CAPN15: variants seen among roughly 807,000 people sequenced by gnomAD.
CAPN15 encodes calpain 15, also known as calpain-15.
CAPN15 carries 53 observed loss-of-function variants against 97.9 expected under a neutral mutation model. The ratio of observed to expected loss-of-function variants is 0.54; its 90% CI spans 0.43 to 0.68. The LOEUF is 0.68. Among genes scored for constraint, CAPN15 ranks in the 30% least tolerant of loss-of-function variants. CAPN15 has a pLI of 0.00. For missense variants in CAPN15, 1,592 were observed against 1,589.8 expected (o/e 1.00, Z -0.02); for synonymous variants, 922 against 722.5 (o/e 1.28, Z -4.43).
rs530543606 is a variant in CAPN15, at chr16:533,499, C to G, written c.-189-447C>G. Among the ~76,000 whole-genome samples, 335 of 152,276 alleles carry G rather than the reference C, an allele frequency of 2.2e-3. 1 individual carries two copies. Among genetic ancestry groups the G allele is most frequent in the Non-Finnish European group, 3.7e-3 (251 of 67,988 alleles). On this transcript the variant is annotated intron_variant, in intron 1 of 13. Coordinates refer to ENST00000219611, the MANE Select transcript of CAPN15 (RefSeq NM_005632.3). ...CCACCTGGCTGTGTGCCTGTGCCTGCCCAAGCTGGGCACCTTTCCCTGGCA... is the reference window on the plus strand; with the variant it reads ...CCACCTGGCTGTGTGCCTGTGCCTGGCCAAGCTGGGCACCTTTCCCTGGCA...
rs1215279703 is a variant in CAPN15 at position 546,911 on chromosome 16, A to G, written c.73A>G (p.Ile25Val). ...CCCGGCCGGCCAGCGCCAGTGCTCC[A>G]TCTGCGAGGCTCCCCGGCACAAGCC... ...LNPAGQRQCSICEAPRHKPDL... is the reference protein window; with the variant it reads ...LNPAGQRQCSVCEAPRHKPDL... The change falls in exon 4 of 14, where the codon ATC becomes GTC. Residue 25 changes from isoleucine to valine, a missense_variant. Around this residue, in one of 3 missense-constraint regions of CAPN15, gnomAD observed 883 missense variants for 776.6 expected, o/e 1.14. Coordinates refer to ENST00000219611, the MANE Select transcript of CAPN15 (RefSeq NM_005632.3). The G allele has an allele frequency of 5.0e-6, 8 of 1,611,234 alleles. No homozygotes were observed. Among genetic ancestry groups the G allele is most frequent in the South Asian group, 1.1e-5 (1 of 91,058 alleles).
intron 9 of CAPN15, 135 bp downstream of exon 9, chr16:551,799 T>C: frequency 8.3e-7 from 1 of 1,206,924 alleles, no homozygotes. Context: ...GACCTGGAGC[T>C]TCAGCTCCAA....
Position 549,565 on chromosome 16 carries a change from G to A in CAPN15, c.1843-50G>A, listed in dbSNP as rs561555071. On this transcript the variant is annotated intron_variant, in intron 6 of 13. Transcript: ENST00000219611. ...CGGCTGCTTCCTCTTCTCCCAGGGC[G>A]GGTAGTGTGGGGGGCGGGCGGGGGT... is the stretch of plus-strand genomic sequence containing the variant. 244 of 1,500,460 alleles carry A rather than the reference G, an allele frequency of 1.6e-4. 2 individuals carry two copies. In the South Asian group the frequency reaches 2.1e-3, roughly 13 times the overall value. The allele number at this position is 1,500,460 out of a possible 1,614,324, so 92.9% of individuals were successfully genotyped here. A position where few individuals can be genotyped will look rare whatever the true frequency, so the allele number is the denominator to read the frequency against.
At position 549,164 on chromosome 16, in the gene CAPN15, C is replaced by G. The variant is rs2034813902; in HGVS notation, c.1621C>G (p.Pro541Ala). 6.2e-7 allele frequency: 1 copy of G among 1,610,386 alleles called. No homozygotes were observed. Among genetic ancestry groups the G allele is most frequent in the Non-Finnish European group, 8.5e-7 (1 of 1,179,618 alleles). ...ATWSVFHTLR[P>A]SDILQGLLGN... ...GTGGTCTGTGTTCCACACACTGCGG[C>G]CCTCAGACATCCTGCAGGGGCTGCT... is the stretch of plus-strand genomic sequence containing the variant. The change falls in exon 5 of 14, where the codon CCC (proline) becomes GCC (alanine). Residue 541 changes from proline to alanine, a missense_variant. Physicochemically the swap from Pro to Ala is conservative, Grantham distance 27 (BLOSUM62 -1). This residue lies in a region of CAPN15 where 65 missense variants were observed against 113.7 expected (regional missense o/e 0.57). Coordinates refer to ENST00000219611, the MANE Select transcript of CAPN15 (RefSeq NM_005632.3).
chr16:547,682 G>A lies in CAPN15; in HGVS notation c.844G>A (p.Gly282Arg), dbSNP rs201256706. The A allele has an allele frequency of 6.7e-5, 107 of 1,589,410 alleles. 2 individuals are homozygous for A. The East Asian group carries it at 2.4e-3, about 35-fold the overall frequency. Residue 282 changes from glycine (G) to arginine (R), a missense_variant, in exon 4 of 14, where the codon GGG becomes AGG. Physicochemically the swap from Gly to Arg is moderately radical, Grantham distance 125. Transcript: ENST00000219611. ...RGAPQGSGWAGASRLAELLSG... is the reference protein window; with the variant it reads ...RGAPQGSGWARASRLAELLSG... Reference sequence around the variant, plus strand: ...AGCCCCCCAGGGCTCGGGCTGGGCTGGGGCCTCCCGCCTAGCAGAGTTGCT... The same window carrying A: ...AGCCCCCCAGGGCTCGGGCTGGGCTAGGGCCTCCCGCCTAGCAGAGTTGCT...
In CAPN15 at chr16:547,418, C is replaced by T; in HGVS notation, c.580C>T (p.His194Tyr). ...VPEVVAPAGF[H>Y]VVPAAPPPGL... The stretch of plus-strand genomic sequence containing the variant: ...GGAAGTGGTGGCCCCGGCCGGCTTC[C>T]ACGTCGTGCCTGCCGCGCCTCCACC... Residue 194 changes from histidine to tyrosine, a missense_variant, in exon 4 of 14, where the codon CAC becomes TAC. Physicochemically the swap from His to Tyr is moderately conservative, Grantham distance 83. Around this residue, in one of 3 missense-constraint regions of CAPN15, gnomAD observed 883 missense variants for 776.6 expected, o/e 1.14. Coordinates refer to ENST00000219611, the MANE Select transcript of CAPN15 (RefSeq NM_005632.3). 1 of 1,574,860 alleles carries T rather than the reference C, an allele frequency of 6.3e-7. No homozygotes were observed. The highest frequency in any genetic ancestry group is 2.3e-5 in the East Asian group (1 of 43,102).
intron 9 of CAPN15, 134 bp downstream of exon 9, chr16:551,798 C>A: frequency 8.3e-7 from 1 of 1,209,096 alleles, no homozygotes; most frequent in Non-Finnish European, 1.2e-6. Flanking sequence ...GGACCTGGAG[C>A]TTCAGCTCCA....
chr16:550,660 G>A (rs2034926367), intron 7 of CAPN15, among the ~76,000 whole-genome samples: 1 of 151,612 alleles, frequency 6.6e-6, no homozygotes, highest in Admixed American at 6.6e-5. Context: ...TGTCGGTGAG[G>A]GTCCCCGGTC....
In CAPN15 at chr16:549,298, G is replaced by A. The variant is rs779350632; in HGVS notation, c.1669G>A (p.Ala557Thr). Residue 557 changes from alanine (A) to threonine (T), a missense_variant, in exon 6 of 14, where the codon GCC (alanine) becomes ACC (threonine). This residue lies in a region of CAPN15 where 65 missense variants were observed against 113.7 expected (regional missense o/e 0.57). Coordinates refer to ENST00000219611, the MANE Select transcript of CAPN15 (RefSeq NM_005632.3). ...GLLGNCWFLS[A>T]LAVLAERPDL... ...TGAGGCTCTGCGCAGGTTCCTGAGC[G>A]CCCTGGCGGTGCTGGCGGAGCGGCC... 3.8e-6 allele frequency: 6 copies of A among 1,588,690 alleles called. No homozygotes were observed. The highest frequency in any genetic ancestry group is 3.4e-6 in the Non-Finnish European group (4 of 1,174,460).
chr16:550,553 G>A (rs566665033), intron 7 of CAPN15, among the ~76,000 whole-genome samples: 19 of 152,230 alleles, frequency 1.2e-4, no homozygotes, highest in Admixed American at 1.3e-4. Flanking sequence ...GCAAGGCCCC[G>A]GTCAGTGAGG....
Position 548,302 on chromosome 16 carries a change from C to T in CAPN15, c.1449+15C>T, listed in dbSNP as rs777680790. ...TCTGCCGGGAGGTGAGGCGCCCCCTCGCCCTCTTCCTGCTCCTGAGCCTCC... is the reference window on the plus strand; with the variant it reads ...TCTGCCGGGAGGTGAGGCGCCCCCTTGCCCTCTTCCTGCTCCTGAGCCTCC... On this transcript the variant is annotated intron_variant, in intron 4 of 13. Coordinates refer to ENST00000219611, the MANE Select transcript of CAPN15 (RefSeq NM_005632.3). 5.1e-5 allele frequency: 75 copies of T among 1,458,412 alleles called. No homozygotes were observed. The highest frequency in any genetic ancestry group is 6.1e-5 in the Non-Finnish European group (67 of 1,105,824). The allele number at this position is 1,458,412 out of a possible 1,614,324, so 90.3% of individuals were successfully genotyped here. A position where few individuals can be genotyped will look rare whatever the true frequency, so the allele number is the denominator to read the frequency against.
intron 2 of CAPN15, among the ~76,000 whole-genome samples, chr16:534,424 T>C (rs992778317): frequency 1.3e-5 from 2 of 152,176 alleles, no homozygotes; most frequent in East Asian, 1.9e-4. Flanking sequence ...AATGCTGTCC[T>C]GCCAGTTGTC....
chr16:550,716 CTGT>C (rs1567156813), intron 7 of CAPN15, among the ~76,000 whole-genome samples: 1 of 137,960 alleles, frequency 7.2e-6, no homozygotes, highest in African/African-American at 2.8e-5. Context: ...TGAGGGTCCC[CTGT>C]CGGTGAGGGT....
intron 7 of CAPN15, 123 bp downstream of exon 7, chr16:549,961 C>T: frequency 2.5e-6 from 2 of 795,042 alleles, no homozygotes; most frequent in Non-Finnish European, 4.0e-6. Flanking sequence ...CTGGCGTGGG[C>T]TGACCCCGCG....
intron 3 of CAPN15, chr16:540,438 C>A: frequency 1.3e-6 from 1 of 789,536 alleles, no homozygotes; most frequent in Non-Finnish European, 1.5e-6. Context: ...TCAGGGTGCC[C>A]CCTCCTTGGC....
Position 552,782 on chromosome 16 carries a change from G to A in CAPN15, c.2904+11G>A, listed in dbSNP as rs779668952. ...GGAGAGCGGCACGAGGTGGGTGGGG[G>A]TCCCGGGGGAGGGTGGCGTGGGGCA... On this transcript the variant is annotated intron_variant, in intron 12 of 13. Coordinates refer to ENST00000219611, the MANE Select transcript of CAPN15 (RefSeq NM_005632.3). This position sits in a 1 kb window ranked among gnomAD's most constrained non-coding sequence, Gnocchi z 6.4. 1.4e-5 allele frequency: 22 copies of A among 1,525,474 alleles called. No homozygotes were observed. Among genetic ancestry groups the A allele is most frequent in the Non-Finnish European group, 1.9e-5 (22 of 1,133,046 alleles). 94.5% of individuals were successfully genotyped at this position (1,525,474 alleles called of 1,614,324 possible).
At chr16:533,739 C>T (rs1045755442) in intron 1 of CAPN15, among the ~76,000 whole-genome samples, 4 of 152,128 alleles carry the variant, frequency 2.6e-5, no homozygotes, top group Non-Finnish European at 5.9e-5. Context: ...GCCTGCTGAG[C>T]CCCTGCTGCT....
rs1175812240 is a variant in CAPN15 at position 547,857 on chromosome 16, A to G, written c.1019A>G (p.Asp340Gly). 6.2e-7 allele frequency: 1 copy of G among 1,611,484 alleles called. No homozygotes were observed. Among genetic ancestry groups the G allele is most frequent in the African/African-American group, 1.3e-5 (1 of 74,970 alleles). The part of the protein sequence containing the change: ...RYTPASPSSP[D>G]FTTWSCAKCT... ...ACGCCCGCCAGCCCCTCCAGCCCCG[A>G]CTTCACCACCTGGTCATGTGCCAAG... Residue 340 changes from aspartate (D) to glycine (G), a missense_variant, in exon 4 of 14, where the codon GAC becomes GGC. This residue lies in a region of CAPN15 where 883 missense variants were observed against 776.6 expected (regional missense o/e 1.14). Coordinates refer to ENST00000219611, the MANE Select transcript of CAPN15 (RefSeq NM_005632.3).
intron 9 of CAPN15, 162 bp downstream of exon 9, chr16:551,826 T>C (rs936065319): frequency 1.9e-6 from 2 of 1,058,784 alleles, no homozygotes; most frequent in Admixed American, 4.0e-5. Flanking sequence ...AACCTCAGAA[T>C]TCAGGTCCAC....
Sources: gnomAD v4.1 joint callset for allele counts (sites outside exome capture counted in the v4.1 genomes callset) on GRCh38, gnomAD v4.1.1 for gene constraint, gnomAD v4.1.1 regional missense constraint, Gnocchi (gnomAD v3.1) non-coding constraint, MANE v1.5 for transcripts, NCBI Gene and HGNC (gene_info 2026-07-23, HGNC 2026-07-21) for gene names.